ZBTB20: variants seen among roughly 807,000 people sequenced by gnomAD.
ZBTB20 encodes zinc finger and BTB domain containing 20, also known as zinc finger and BTB domain-containing protein 20.
ZBTB20 carries 9 observed loss-of-function variants against 56.9 expected under a neutral mutation model. The observed-to-expected ratio is 0.16, with a 90% CI of 0.10 to 0.28. The LOEUF is 0.28. Among genes scored for constraint, ZBTB20 ranks in the 10% least tolerant of loss-of-function variants. ZBTB20 has a pLI of 1.00. For missense variants in ZBTB20, 655 were observed against 1,003.0 expected (o/e 0.65, Z 4.69); for synonymous variants, 417 against 420.7 (o/e 0.99, Z 0.11).
intron 6 of ZBTB20, among the ~76,000 whole-genome samples, chr3:114,531,976 A>G (rs2047896573): frequency 6.6e-6 from 1 of 152,140 alleles, no homozygotes; most frequent in Non-Finnish European, 1.5e-5. Context: ...TGCTTTTCTC[A>G]CCGTCTTCAC....
chr3:115,066,772 C>A (rs573575191), intron 2 of ZBTB20, among the ~76,000 whole-genome samples: 253 of 152,184 alleles, frequency 1.7e-3, no homozygotes, highest in Non-Finnish European at 3.0e-3. Flanking sequence ...AATCAAAAGT[C>A]TCCTCTCGGG....
intron 2 of ZBTB20, among the ~76,000 whole-genome samples, chr3:115,034,755 C>A (rs201086804): frequency 6.6e-6 from 1 of 151,892 alleles, no homozygotes; most frequent in African/African-American, 2.4e-5. Flanking sequence ...AGAGAACCCC[C>A]AAACAGCCAA....
intron 4 of ZBTB20, among the ~76,000 whole-genome samples, chr3:114,829,528 A>G (rs1430829182): frequency 2.0e-5 from 3 of 151,870 alleles, no homozygotes; most frequent in Non-Finnish European, 4.4e-5. Context: ...GCAGAGTAAC[A>G]AGTATTGCCA....
chr3:114,576,143 T>C (rs2107420095), intron 6 of ZBTB20, among the ~76,000 whole-genome samples: 1 of 152,200 alleles, frequency 6.6e-6, no homozygotes. Flanking sequence ...CTATCCAAAA[T>C]AAGTAACCCT....
chr3:115,002,198 C>G (rs1267775020), intron 2 of ZBTB20, among the ~76,000 whole-genome samples: 1 of 151,444 alleles, frequency 6.6e-6, no homozygotes, highest in Admixed American at 6.6e-5. Context: ...AATCTAGACA[C>G]TGACATTAAA....
chr3:115,144,052 G>C (rs150912798), intron 1 of ZBTB20, among the ~76,000 whole-genome samples: 1 of 152,274 alleles, frequency 6.6e-6, no homozygotes, highest in East Asian at 1.9e-4. Flanking sequence ...TACACTCCAA[G>C]TGTCTAGAAC....
chr3:114,483,123 G>T (rs1385452160), intron 7 of ZBTB20, among the ~76,000 whole-genome samples: 9 of 152,096 alleles, frequency 5.9e-5, no homozygotes, highest in Admixed American at 5.9e-4. Context: ...CTTTCTCATT[G>T]TGGTTCTAGT....
chr3:114,739,607 CT>C (rs2066431888), intron 5 of ZBTB20, among the ~76,000 whole-genome samples: 1 of 152,192 alleles, frequency 6.6e-6, no homozygotes, highest in South Asian at 2.1e-4. Context: ...CTATTTTAAG[CT>C]TGAGCATTAT....
intron 3 of ZBTB20, among the ~76,000 whole-genome samples, chr3:114,948,555 T>C (rs1354238220): frequency 6.8e-6 from 1 of 146,056 alleles, no homozygotes; most frequent in Non-Finnish European, 1.5e-5. Flanking sequence ...ATAGAATTAA[T>C]AAGTAAATTT....
chr3:115,080,403 A>C (rs984096582), intron 1 of ZBTB20, among the ~76,000 whole-genome samples: 6 of 152,194 alleles, frequency 3.9e-5, no homozygotes, highest in Non-Finnish European at 1.5e-5. Flanking sequence ...TACCACAAAC[A>C]ATAAGAAAAT....
intron 5 of ZBTB20, among the ~76,000 whole-genome samples, chr3:114,734,370 A>G (rs2065980750): frequency 6.6e-6 from 1 of 152,102 alleles, no homozygotes; most frequent in Non-Finnish European, 1.5e-5. Flanking sequence ...AGGCTCTCAG[A>G]TTGGAATACA....
chr3:115,045,354 G>C (rs563445606), intron 2 of ZBTB20, among the ~76,000 whole-genome samples: 75 of 151,880 alleles, frequency 4.9e-4, no homozygotes, highest in Non-Finnish European at 7.8e-4. Flanking sequence ...TAATTTTTTT[G>C]TCTATATAAT....
chr3:114,672,512 C>A (rs1367232218), intron 6 of ZBTB20, among the ~76,000 whole-genome samples: 1 of 152,134 alleles, frequency 6.6e-6, no homozygotes, highest in Non-Finnish European at 1.5e-5. Flanking sequence ...AAGGAACAGT[C>A]CAGCCCTGCC....
chr3:114,779,113 C>T (rs868210749), intron 5 of ZBTB20, among the ~76,000 whole-genome samples: 21 of 152,298 alleles, frequency 1.4e-4, no homozygotes, highest in African/African-American at 4.3e-4. Context: ...CTGAGTTCCA[C>T]TATCTGGGGT....
At chr3:115,031,075 C>T (rs938536334) in intron 2 of ZBTB20, among the ~76,000 whole-genome samples, 1 of 151,380 alleles carries the variant, frequency 6.6e-6, no homozygotes, top group African/African-American at 2.4e-5. Context: ...CCTCATTACC[C>T]ATCATCATCC....
At chr3:114,655,240 TC>T (rs2060335498) in intron 6 of ZBTB20, among the ~76,000 whole-genome samples, 6 of 134,788 alleles carry the variant, frequency 4.5e-5, no homozygotes, top group African/African-American at 1.9e-4. Context: ...TGTTTTCCTT[TC>T]CTTTTTTTTT....
chr3:115,146,842 G>A (rs1560608524), intron 1 of ZBTB20, among the ~76,000 whole-genome samples: 2 of 152,114 alleles, frequency 1.3e-5, no homozygotes, highest in African/African-American at 4.8e-5. Context: ...AGGGAGTAGA[G>A]AGAAGAAGGC....
intron 2 of ZBTB20, among the ~76,000 whole-genome samples, chr3:115,042,394 T>C (rs979821556): frequency 6.6e-6 from 1 of 152,214 alleles, no homozygotes; most frequent in African/African-American, 2.4e-5. Context: ...TGCAAATTAG[T>C]AGCTGAAGTC....
At position 114,316,336 on chromosome 3, in the gene ZBTB20, GTTTTTATTTT is replaced by G; in HGVS notation, c.*22659_*22668del. ...ATGACCAAAGTCACTGCAAGTAGCTGTTTTTATTTTTTGTGATCTGTTGCAAGAGTCCAAC... is the reference window on the plus strand; with the variant it reads ...ATGACCAAAGTCACTGCAAGTAGCTGTTGTGATCTGTTGCAAGAGTCCAAC... On this transcript the variant is annotated 3_prime_UTR_variant, in exon 12 of 12. Transcript: ENST00000675478. 1 of 402,664 alleles carries G rather than the reference GTTTTTATTTT, an allele frequency of 2.5e-6. No individual in the cohort carries two copies. Among genetic ancestry groups the G allele is most frequent in the Non-Finnish European group, 4.8e-6 (1 of 208,700 alleles). 24.9% of individuals were successfully genotyped at this position (402,664 alleles called of 1,614,324 possible). A position where few individuals can be genotyped will look rare whatever the true frequency, so the allele number is the denominator to read the frequency against.
Sources: allele counts gnomAD v4.1 joint callset (sites outside exome capture counted in the v4.1 genomes callset), GRCh38; gene constraint gnomAD v4.1.1; transcripts MANE v1.5; gene names NCBI Gene and HGNC (gene_info 2026-07-23, HGNC 2026-07-21).